ABCA13: variants seen among roughly 807,000 people sequenced by gnomAD.
ABCA13 encodes ATP-binding cassette sub-family A member 13.
A neutral mutation model predicts 478.7 loss-of-function variants in ABCA13; 476 were observed. That is an observed-to-expected ratio of 0.99 (90% CI 0.92 to 1.07). ABCA13 has a LOEUF of 1.07. Ranked by LOEUF, ABCA13 falls within the 50% of genes least tolerant of loss-of-function variation. The probability of loss-of-function intolerance (pLI) is 0.00; values close to 1 mark genes in which losing one functional copy is unlikely to be tolerated. For missense variants in ABCA13, 6,060 were observed against 5,910.6 expected (o/e 1.03, Z -0.83); for synonymous variants, 2,252 against 2,158.9 (o/e 1.04, Z -1.20).
At chr7:48,271,340 G>C (rs1014997583) in intron 16 of ABCA13, among the ~76,000 whole-genome samples, 1 of 70,252 alleles carries the variant, frequency 1.4e-5, no homozygotes, top group Non-Finnish European at 2.5e-5. Flanking sequence ...TGTTGAAAGA[G>C]CACTGGAATT....
At chr7:48,525,491 T>G (rs1832826132) in intron 54 of ABCA13, among the ~76,000 whole-genome samples, 1 of 152,204 alleles carries the variant, frequency 6.6e-6, no homozygotes, top group East Asian at 1.9e-4. Context: ...TAGTTTTACG[T>G]GATACGAGAG....
intron 59 of ABCA13, among the ~76,000 whole-genome samples, chr7:48,630,483 G>C (rs1360018446): frequency 1.3e-5 from 2 of 152,226 alleles, no homozygotes; most frequent in Non-Finnish European, 2.9e-5. Context: ...TGCTGCAGAA[G>C]ACACGATCTT....
intron 59 of ABCA13, among the ~76,000 whole-genome samples, chr7:48,628,200 A>G (rs1793845815): frequency 6.6e-6 from 1 of 152,170 alleles, no homozygotes; most frequent in South Asian, 2.1e-4. Flanking sequence ...GATTGTAATT[A>G]TTCATAGAAG....
intron 23 of ABCA13, among the ~76,000 whole-genome samples, chr7:48,300,950 G>T (rs1160595856): frequency 1.3e-5 from 2 of 152,138 alleles, no homozygotes; most frequent in Non-Finnish European, 2.9e-5. Flanking sequence ...CCTTCTTTGT[G>T]TTGGGCCAAA....
chr7:48,392,204 T>C (rs1288225086), intron 38 of ABCA13, 65 bp downstream of exon 38: 2 of 1,457,058 alleles, frequency 1.4e-6, no homozygotes, highest in Non-Finnish European at 1.9e-6. Flanking sequence ...GTGAAGACAA[T>C]AGAAAGAGAC....
chr7:48,550,625 C>T (rs890222180), intron 55 of ABCA13, among the ~76,000 whole-genome samples: 1 of 151,734 alleles, frequency 6.6e-6, no homozygotes, highest in African/African-American at 2.4e-5. Context: ...GTTTATTCTT[C>T]TTTTTTCAGT....
Position 48,395,083 on chromosome 7 carries a change from C to G in ABCA13, c.11873+2944C>G, listed in dbSNP as rs528771333. Among the ~76,000 whole-genome samples the G allele has an allele frequency of 6.6e-5, 10 of 152,348 alleles. No homozygotes were observed. The South Asian group carries it at 2.1e-3, about 32-fold the overall frequency. On this transcript the variant is annotated intron_variant, in intron 38 of 61. Transcript: ENST00000435803. Reference sequence around the variant, plus strand: ...AGAGCGTCCACAGGCCTCTCTCTTGCAGGCCTGTGCACAGGCACATTACAG... The same window carrying G: ...AGAGCGTCCACAGGCCTCTCTCTTGGAGGCCTGTGCACAGGCACATTACAG...
intron 59 of ABCA13, among the ~76,000 whole-genome samples, chr7:48,630,635 A>G (rs1794087447): frequency 2.0e-5 from 3 of 152,184 alleles, no homozygotes. Flanking sequence ...ATGTGTCTTT[A>G]TGGTGAAATG....
intron 59 of ABCA13, among the ~76,000 whole-genome samples, chr7:48,630,778 G>A (rs531398110): frequency 6.6e-6 from 1 of 150,884 alleles, no homozygotes; most frequent in South Asian, 2.1e-4. Context: ...ACCAACAGTG[G>A]ATAGGCATTC....
chr7:48,483,203 A>G, intron 47 of ABCA13, 40 bp downstream of exon 47: 1 of 1,527,616 alleles, frequency 6.5e-7, no homozygotes. Context: ...TTTAGAAAGT[A>G]TTTAGGAAAA....
At chr7:48,520,435 A>G in intron 53 of ABCA13, 141 bp downstream of exon 53, 10 of 1,059,720 alleles carry the variant, frequency 9.4e-6, no homozygotes, top group Non-Finnish European at 1.2e-5. Flanking sequence ...AGATTTTATT[A>G]TTTTTTAAAC....
intron 42 of ABCA13, among the ~76,000 whole-genome samples, chr7:48,429,754 G>A (rs771674412): frequency 6.6e-6 from 1 of 152,188 alleles, no homozygotes; most frequent in Non-Finnish European, 1.5e-5. Flanking sequence ...TAATTGTGGA[G>A]TGTTTTTAAT....
chr7:48,598,803 A>G (rs1237609866), intron 58 of ABCA13, among the ~76,000 whole-genome samples: 1 of 151,914 alleles, frequency 6.6e-6, no homozygotes, highest in African/African-American at 2.4e-5. Context: ...TTTTTCTAAA[A>G]ATTTTAGAAT....
intron 55 of ABCA13, among the ~76,000 whole-genome samples, chr7:48,579,993 C>T (rs1242302984): frequency 2.0e-5 from 3 of 152,152 alleles, no homozygotes; most frequent in Non-Finnish European, 4.4e-5. Flanking sequence ...TTCCTTTGTC[C>T]TCTGGTTCTC....
intron 55 of ABCA13, among the ~76,000 whole-genome samples, chr7:48,551,801 T>A (rs1370589067): frequency 6.6e-6 from 1 of 151,608 alleles, no homozygotes; most frequent in Admixed American, 6.6e-5. Context: ...TACCAGAGAG[T>A]AGGTTTCAGC....
At chr7:48,561,436 A>T (rs1244671727) in intron 55 of ABCA13, among the ~76,000 whole-genome samples, 4 of 152,186 alleles carry the variant, frequency 2.6e-5, no homozygotes, top group African/African-American at 9.7e-5. Flanking sequence ...AACAGATTTA[A>T]CAAATGTAAA....
In ABCA13 at chr7:48,453,312, G is replaced by A. The variant is rs532376214; in HGVS notation, c.12566-1725G>A. On this transcript the variant is annotated intron_variant, in intron 42 of 61. Transcript: ENST00000435803. ...CCCAGGTTAATCTGATATGCAGCCT[G>A]GTTTAGAAACCACTGCTTTAACTAC... Among the ~76,000 whole-genome samples, 4 of 151,524 alleles carry A rather than the reference G, an allele frequency of 2.6e-5. No individual in the cohort carries two copies. The East Asian group carries it at 7.8e-4, about 29-fold the overall frequency.
intron 45 of ABCA13, among the ~76,000 whole-genome samples, chr7:48,473,034 A>G (rs565452126): frequency 6.6e-6 from 1 of 152,304 alleles, no homozygotes; most frequent in South Asian, 2.1e-4. Context: ...GGCAGCAGCA[A>G]GAGAGAGAAT....
chr7:48,258,473 CT>C (rs1260180745), intron 15 of ABCA13, among the ~76,000 whole-genome samples: 2 of 152,018 alleles, frequency 1.3e-5, no homozygotes, highest in African/African-American at 2.4e-5. Flanking sequence ...GACCTTGTCC[CT>C]TTTTTTCTTT....
Sources: allele counts gnomAD v4.1 joint callset (sites outside exome capture counted in the v4.1 genomes callset), GRCh38; gene constraint gnomAD v4.1.1; transcripts MANE v1.5; gene names NCBI Gene and HGNC (gene_info 2026-07-23, HGNC 2026-07-21).